The following RBFOX1 variants were observed in gnomAD, a reference collection of about 807,000 sequenced individuals.
RBFOX1 encodes the protein RNA binding protein fox-1 homolog 1.
In RBFOX1, 8 loss-of-function variants were observed where a neutral mutation model predicts 57.7. The observed-to-expected ratio is 0.14, with a 90% CI of 0.08 to 0.25. RBFOX1 has a LOEUF of 0.25. RBFOX1 is among the 10% of genes least tolerant of loss of function. The probability of loss-of-function intolerance (pLI) is 1.00; values close to 1 mark genes in which losing one functional copy is unlikely to be tolerated. For synonymous variants in RBFOX1, 326 were observed against 222.4 expected, an observed-to-expected ratio of 1.47 and a Z score of -4.15; for missense variants, 611 against 548.5, an observed-to-expected ratio of 1.11 and a Z score of -1.14.
intron 3 of RBFOX1, among the ~76,000 whole-genome samples, chr16:6,831,330 C>T (rs1034645928): frequency 2.0e-5 from 3 of 152,036 alleles, no homozygotes; most frequent in East Asian, 1.9e-4. Context: ...CCTGTTTTTT[C>T]CAATGTCTTA....
chr16:7,270,595 A>T (rs2095294422), intron 4 of RBFOX1, among the ~76,000 whole-genome samples: 1 of 152,232 alleles, frequency 6.6e-6, no homozygotes, highest in Non-Finnish European at 1.5e-5. Context: ...TTCCTATGAG[A>T]TAAAAGAAAA....
intron 3 of RBFOX1, among the ~76,000 whole-genome samples, chr16:5,813,841 G>T (rs941163135): frequency 3.9e-5 from 6 of 152,202 alleles, no homozygotes; most frequent in Non-Finnish European, 7.3e-5. Flanking sequence ...TGTGAACTTA[G>T]TTAAAGCCCT....
chr16:5,446,378 T>C (rs373178287), intron 1 of RBFOX1, among the ~76,000 whole-genome samples: 1 of 152,188 alleles, frequency 6.6e-6, no homozygotes, highest in African/African-American at 2.4e-5. Flanking sequence ...GAAAGTTAGA[T>C]TCAAACATGC....
At chr16:7,345,385 A>G (rs1377237789) in intron 4 of RBFOX1, among the ~76,000 whole-genome samples, 1 of 152,152 alleles carries the variant, frequency 6.6e-6, no homozygotes, top group African/African-American at 2.4e-5. Flanking sequence ...CCATCTTAAT[A>G]AGGCTGTTCG....
At position 5,679,841 on chromosome 16, in the gene RBFOX1, G is replaced by A. The variant is rs192411771; in HGVS notation, c.318+80880G>A. On this transcript the variant is annotated intron_variant, in intron 3 of 19. Coordinates refer to the RBFOX1 transcript ENST00000641259. Reference sequence around the variant, plus strand: ...TGTCTCCTTTATAATTAACTTAAGGGAGTTGTAGTGAGGCTTATATTAAAG... The same window carrying A: ...TGTCTCCTTTATAATTAACTTAAGGAAGTTGTAGTGAGGCTTATATTAAAG... Among the ~76,000 whole-genome samples, 171 of 152,274 alleles carry A rather than the reference G, an allele frequency of 1.1e-3. No individual in the cohort carries two copies. The Middle Eastern group carries it at 0.017, about 15-fold the overall frequency.
intron 1 of RBFOX1, among the ~76,000 whole-genome samples, chr16:6,313,598 G>A (rs2080666644): frequency 6.6e-6 from 1 of 152,152 alleles, no homozygotes; most frequent in Non-Finnish European, 1.5e-5. Flanking sequence ...TTTGGATGGA[G>A]TGCATAGGTG....
At position 6,988,440 on chromosome 16, in the gene RBFOX1, G is replaced by T. The variant is rs192922846; in HGVS notation, c.-15-63617G>T. Among the ~76,000 whole-genome samples the T allele has an allele frequency of 1.7e-4, 26 of 152,282 alleles. No homozygotes were observed. In the East Asian group the frequency reaches 5.0e-3, roughly 29 times the overall value. ...TTAGTATATGAAAGTGTTTTAAATA[G>T]CTCATTGAGAGTTTTTAAAAAGTCG... On this transcript the variant is annotated intron_variant, in intron 3 of 15. Transcript: ENST00000550418.
intron 3 of RBFOX1, among the ~76,000 whole-genome samples, chr16:6,796,427 A>T (rs1264868725): frequency 1.3e-5 from 2 of 152,160 alleles, no homozygotes; most frequent in East Asian, 3.9e-4. Context: ...TCCTTAAAAC[A>T]GATAAAGCAC....
intron 2 of RBFOX1, among the ~76,000 whole-genome samples, chr16:6,522,389 C>G (rs1386628175): frequency 6.6e-6 from 1 of 152,092 alleles, no homozygotes; most frequent in Middle Eastern, 3.2e-3. Context: ...TTTACCCAAG[C>G]TGGCCATTTA....
At chr16:5,999,481 A>C (rs1312259543) in intron 4 of RBFOX1, among the ~76,000 whole-genome samples, 1 of 152,204 alleles carries the variant, frequency 6.6e-6, no homozygotes, top group East Asian at 1.9e-4. Flanking sequence ...TTAAAAACAG[A>C]TAATGAAACA....
chr16:6,640,846 C>T (rs2098481858), intron 2 of RBFOX1, among the ~76,000 whole-genome samples: 1 of 152,040 alleles, frequency 6.6e-6, no homozygotes, highest in Non-Finnish European at 1.5e-5. Flanking sequence ...GTTCTAGCCC[C>T]ATCTTAGGAT....
chr16:5,774,644 A>T (rs1270911205), intron 3 of RBFOX1, among the ~76,000 whole-genome samples: 3 of 152,174 alleles, frequency 2.0e-5, no homozygotes, highest in Non-Finnish European at 4.4e-5. Context: ...GGGCTTTGGG[A>T]TACCAGCAGC....
intron 3 of RBFOX1, among the ~76,000 whole-genome samples, chr16:5,752,269 T>C (rs1239342085): frequency 6.6e-6 from 1 of 152,154 alleles, no homozygotes; most frequent in African/African-American, 2.4e-5. Context: ...TGGGACCTTT[T>C]AGAGGTCACG....
At position 6,525,757 on chromosome 16, in the gene RBFOX1, A is replaced by G. The variant is rs114860907; in HGVS notation, c.-63-128846A>G. Among the ~76,000 whole-genome samples the G allele has an allele frequency of 3.1e-3, 478 of 152,098 alleles. 2 individuals carry two copies. Among genetic ancestry groups the G allele is most frequent in the African/African-American group, 0.011 (443 of 41,492 alleles). ...GGAAGGGCTGAAAAATGGTCTTACT[A>G]TTGTCTCCAGCAATTTTATAGGGTC... On this transcript the variant is annotated intron_variant, in intron 2 of 15. Transcript: ENST00000550418.
chr16:6,732,389 C>G (rs995055179), intron 3 of RBFOX1, among the ~76,000 whole-genome samples: 4 of 152,194 alleles, frequency 2.6e-5, no homozygotes, highest in African/African-American at 4.8e-5. Context: ...ATCAGCTTCC[C>G]CAAGGCAGGT....
chr16:6,369,087 C>G (rs2090073631), intron 2 of RBFOX1, among the ~76,000 whole-genome samples: 1 of 151,926 alleles, frequency 6.6e-6, no homozygotes, highest in Admixed American at 6.6e-5. Context: ...TGTATATATA[C>G]ATGTATGTAT....
At chr16:7,390,157 A>G (rs922753186) in intron 4 of RBFOX1, among the ~76,000 whole-genome samples, 10 of 152,166 alleles carry the variant, frequency 6.6e-5, no homozygotes, top group Admixed American at 5.9e-4. Context: ...TGAAAACTCT[A>G]TCAAAAGAAC....
At chr16:6,018,968 C>CGCG (rs1567266870), upstream of RBFOX1, 12 of 523,150 alleles carry the variant, frequency 2.3e-5, no homozygotes, top group Middle Eastern at 9.5e-4. Flanking sequence ...CACGCGTGAC[C>CGCG]GCGGCGGCGG....
At chr16:6,594,357 T>C (rs2097756214) in intron 2 of RBFOX1, among the ~76,000 whole-genome samples, 1 of 152,146 alleles carries the variant, frequency 6.6e-6, no homozygotes, top group African/African-American at 2.4e-5. Flanking sequence ...ACCAATGTTA[T>C]GAGAAAAACA....
Sources: gnomAD v4.1 joint callset for allele counts (sites outside exome capture counted in the v4.1 genomes callset) on GRCh38, gnomAD v4.1.1 for gene constraint, MANE v1.5 for transcripts, NCBI Gene and HGNC (gene_info 2026-07-23, HGNC 2026-07-21) for gene names.